Variants in GMPS observed in about 807,000 individuals in gnomAD.
GMPS encodes the protein GMP synthase [glutamine-hydrolyzing].
A neutral mutation model predicts 77.9 loss-of-function variants in GMPS; 15 were observed. The ratio of observed to expected loss-of-function variants is 0.19; its 90% CI spans 0.13 to 0.30. GMPS has a LOEUF of 0.30. Among genes scored for constraint, GMPS ranks in the 10% least tolerant of loss-of-function variants. GMPS has a pLI of 1.00. For missense variants in GMPS, 590 were observed against 838.8 expected (o/e 0.70, Z 3.66); for synonymous variants, 224 against 275.9 (o/e 0.81, Z 1.86).
chr3:155,930,581 A>G (rs2108141907), intron 12 of GMPS, among the ~76,000 whole-genome samples: 1 of 152,222 alleles, frequency 6.6e-6, no homozygotes, highest in South Asian at 2.1e-4. Context: ...GCAACCTACA[A>G]AATGGAAGAA....
intron 7 of GMPS, among the ~76,000 whole-genome samples, chr3:155,914,129 G>C (rs937535519): frequency 6.6e-6 from 1 of 151,698 alleles, no homozygotes; most frequent in Non-Finnish European, 1.5e-5. Flanking sequence ...TGTATTTTTA[G>C]TAGTGATGGG....
rs1041024373 is a variant in GMPS at position 155,912,947 on chromosome 3, C to G, written c.887-1472C>G. 2.6e-5 allele frequency among the ~76,000 whole-genome samples: 4 copies of G among 152,326 alleles called. No homozygotes were observed. In the East Asian group the frequency reaches 5.8e-4, roughly 22 times the overall value. ...TCCTTTTCCTTAGCACAGGAGCAAA[C>G]TGTGCTCTCCTTCCCCATCAGAACA... On this transcript the variant is annotated intron_variant, in intron 7 of 15. Coordinates refer to ENST00000496455, the MANE Select transcript of GMPS (RefSeq NM_003875.3).
Position 155,942,129 on chromosome 3 carries a change from TGTCCCCAA to T in GMPS, c.*4440_*4447del, listed in dbSNP as rs1462370659. 5.3e-6 allele frequency: 1 copy of T among 188,566 alleles called. No homozygotes were observed. Among genetic ancestry groups the T allele is most frequent in the Non-Finnish European group, 1.1e-5 (1 of 89,734 alleles). 11.7% of individuals were successfully genotyped at this position (188,566 alleles called of 1,614,324 possible). On this transcript the variant is annotated 3_prime_UTR_variant, in exon 16 of 16. Transcript: ENST00000496455. ...TTTTTTTTAAGACAGAGTCTCGCTC[TGTCCCCAA>T]GTGCAGTGGCACAATCTCGGCTCAC...
intron 1 of GMPS, 87 bp downstream of exon 1, chr3:155,870,984 C>T (rs1224538526): frequency 8.1e-7 from 1 of 1,229,098 alleles, no homozygotes; most frequent in Non-Finnish European, 1.1e-6. Context: ...CCTTCCCCAC[C>T]CCCTTCCCCC....
rs1298495071 is a variant in GMPS at position 155,938,888 on chromosome 3, C to G, written c.*1196C>G. ...GTAGACAGTAGTAGACTTAAACTCT[C>G]CGTTTCTCTCAGTATTTTAGCTAAG... On this transcript the variant is annotated 3_prime_UTR_variant, in exon 16 of 16. Transcript: ENST00000496455. The G allele has an allele frequency of 2.3e-5, 5 of 215,240 alleles. No homozygotes were observed. The highest frequency in any genetic ancestry group is 4.7e-5 in the Non-Finnish European group (5 of 106,790). The allele number at this position is 215,240 out of a possible 1,614,324, so 13.3% of individuals were successfully genotyped here. A position where few individuals can be genotyped will look rare whatever the true frequency, so the allele number is the denominator to read the frequency against.
At chr3:155,892,513 AT>A (rs915210460) in intron 1 of GMPS, among the ~76,000 whole-genome samples, 1 of 152,220 alleles carries the variant, frequency 6.6e-6, no homozygotes, top group Non-Finnish European at 1.5e-5. Context: ...ATTTTGAAGC[AT>A]CTTCCAGGTA....
intron 1 of GMPS, 88 bp from the exon 2 acceptor site, chr3:155,893,430 G>T: frequency 2.5e-6 from 2 of 795,450 alleles, no homozygotes; most frequent in Non-Finnish European, 3.9e-6. Context: ...ATGTGTTTTT[G>T]GAGCTGACAG....
At chr3:155,917,917 A>G (rs1755226770) in intron 9 of GMPS, among the ~76,000 whole-genome samples, 1 of 152,108 alleles carries the variant, frequency 6.6e-6, no homozygotes. Flanking sequence ...ATGTACTACT[A>G]TATGTATATA....
intron 15 of GMPS, among the ~76,000 whole-genome samples, 189 bp downstream of exon 15, chr3:155,936,699 A>T (rs1051655382): frequency 1.3e-5 from 2 of 152,136 alleles, no homozygotes; most frequent in African/African-American, 4.8e-5. Context: ...TAAATTATAT[A>T]TGCTCTCCAA....
chr3:155,926,233 G>A (rs1020933214), intron 12 of GMPS, among the ~76,000 whole-genome samples: 1 of 152,160 alleles, frequency 6.6e-6, no homozygotes, highest in Non-Finnish European at 1.5e-5. Context: ...GGCTGGCTTT[G>A]AAATTCTGGC....
At chr3:155,903,817 ATTTTTC>A in intron 3 of GMPS, 40 bp from the exon 4 acceptor site, 1 of 766,548 alleles carries the variant, frequency 1.3e-6, no homozygotes, top group Non-Finnish European at 2.1e-6. Context: ...CAAAATGGGT[ATTTTTC>A]TTTTGATTTC....
chr3:155,912,517 A>G (rs555991529), intron 7 of GMPS, among the ~76,000 whole-genome samples: 4 of 152,372 alleles, frequency 2.6e-5, no homozygotes, highest in Non-Finnish European at 5.9e-5. Flanking sequence ...GTGGTGCTGG[A>G]ATAGCTGTGG....
rs1043995927 is a variant in GMPS, at chr3:155,940,061, A to C, written c.*2369A>C. On this transcript the variant is annotated 3_prime_UTR_variant, in exon 16 of 16. Coordinates refer to ENST00000496455, the MANE Select transcript of GMPS (RefSeq NM_003875.3). ...TTTTACTAAGACTAGAATGGTGGCT[A>C]CCTGGCTAATAACATTCATCATTGG... 4.8e-6 allele frequency: 1 copy of C among 209,540 alleles called. No individual in the cohort carries two copies. Among genetic ancestry groups the C allele is most frequent in the Non-Finnish European group, 9.7e-6 (1 of 103,206 alleles). 13.0% of individuals were successfully genotyped at this position (209,540 alleles called of 1,614,324 possible).
intron 13 of GMPS, 127 bp downstream of exon 13, chr3:155,932,007 A>G: frequency 2.1e-6 from 1 of 479,868 alleles, no homozygotes; most frequent in East Asian, 3.2e-5. Context: ...ATAAGAGTAA[A>G]TGGCTGTGTT....
chr3:155,911,120 C>A lies in GMPS; in HGVS notation c.727C>A (p.Leu243Ile), dbSNP rs746827724. 2 of 1,595,396 alleles carry A rather than the reference C, an allele frequency of 1.3e-6. No individual in the cohort carries two copies. The highest frequency in any genetic ancestry group is 1.7e-6 in the Non-Finnish European group (2 of 1,173,522). The change falls in exon 7 of 16, where the codon CTC becomes ATC. Residue 243 changes from leucine (L) to isoleucine (I), a missense_variant. By Grantham distance (5) the Leu-to-Ile change is conservative (BLOSUM62 2). Around this residue, in one of 6 missense-constraint regions of GMPS, gnomAD observed 181 missense variants for 186.8 expected, o/e 0.97. Coordinates refer to ENST00000496455, the MANE Select transcript of GMPS (RefSeq NM_003875.3). The stretch of plus-strand genomic sequence containing the variant: ...TTTTCATTTTACCCCGTAGGTTTTA[C>A]TCAGTGGTGGAGTAGACTCAACAGT... The part of the protein sequence containing the change: ...RVGTSKVLVL[L>I]SGGVDSTVCT...
chr3:155,910,335 G>A (rs1326655129), intron 5 of GMPS, among the ~76,000 whole-genome samples: 1 of 152,146 alleles, frequency 6.6e-6, no homozygotes, highest in Non-Finnish European at 1.5e-5. Context: ...TTGGGAGGCT[G>A]AGGCAGGTGG....
chr3:155,873,256 A>G (rs1413923356), intron 1 of GMPS, among the ~76,000 whole-genome samples: 1 of 152,002 alleles, frequency 6.6e-6, no homozygotes, highest in Non-Finnish European at 1.5e-5. Flanking sequence ...TATTTTAATT[A>G]TTTTTTATAC....
Position 155,940,056 on chromosome 3 carries a change from TG to T in GMPS, c.*2366del. The T allele has an allele frequency of 4.8e-6, 1 of 209,314 alleles. No individual in the cohort carries two copies. 13.0% of individuals were successfully genotyped at this position (209,314 alleles called of 1,614,324 possible). On this transcript the variant is annotated 3_prime_UTR_variant, in exon 16 of 16. Coordinates refer to ENST00000496455, the MANE Select transcript of GMPS (RefSeq NM_003875.3). ...GCTTATTTTACTAAGACTAGAATGGTGGCTACCTGGCTAATAACATTCATCA... is the reference window on the plus strand; with the variant it reads ...GCTTATTTTACTAAGACTAGAATGGTGCTACCTGGCTAATAACATTCATCA...
intron 12 of GMPS, among the ~76,000 whole-genome samples, 156 bp downstream of exon 12, chr3:155,925,522 T>C (rs142213956): frequency 1.3e-5 from 2 of 152,116 alleles, no homozygotes; most frequent in East Asian, 3.9e-4. Flanking sequence ...TTTCTACTAA[T>C]CTTGAAATAA....
Sources: gnomAD v4.1 joint callset for allele counts (sites outside exome capture counted in the v4.1 genomes callset) on GRCh38, gnomAD v4.1.1 for gene constraint, gnomAD v4.1.1 regional missense constraint, MANE v1.5 for transcripts, NCBI Gene and HGNC (gene_info 2026-07-23, HGNC 2026-07-21) for gene names.